Variants in CACNA1B observed in about 807,000 individuals in gnomAD.
CACNA1B encodes the protein voltage-dependent N-type calcium channel subunit alpha-1B.
A neutral mutation model predicts 247.2 loss-of-function variants in CACNA1B; 70 were observed. The ratio of observed to expected loss-of-function variants is 0.28; its 90% CI spans 0.23 to 0.35. The LOEUF is 0.35. CACNA1B is among the 10% of genes least tolerant of loss of function. The pLI, the probability that CACNA1B is intolerant of heterozygous loss-of-function variation, is 1.00. For missense variants in CACNA1B, 2,367 were observed against 3,197.4 expected, an observed-to-expected ratio of 0.74 and a Z score of 6.26; for synonymous variants, 1,231 against 1,294.4, an observed-to-expected ratio of 0.95 and a Z score of 1.05.
At position 138,012,729 on chromosome 9, in the gene CACNA1B, C is replaced by A. The variant is rs866987433; in HGVS notation, c.2161-400C>A. 2.0e-4 allele frequency among the ~76,000 whole-genome samples: 30 copies of A among 148,868 alleles called. No homozygotes were observed. The highest frequency in any genetic ancestry group is 6.9e-3 in the Middle Eastern group (2 of 288). The stretch of plus-strand genomic sequence containing the variant: ...ACCCTGTCTCTAAAAAAAAAAAAAA[C>A]AAATAACAAAAAACAAAACAAACAA... On this transcript the variant is annotated intron_variant, in intron 17 of 46. Transcript: ENST00000371372. This position sits in a 1 kb window ranked among gnomAD's most constrained non-coding sequence, Gnocchi z 4.2.
At position 137,955,853 on chromosome 9, in the gene CACNA1B, CTG is replaced by C. The variant is rs751334552; in HGVS notation, c.1186+42_1186+43del. 6.3e-5 allele frequency: 84 copies of C among 1,327,198 alleles called. No individual in the cohort carries two copies. Among genetic ancestry groups the C allele is most frequent in the Non-Finnish European group, 8.7e-5 (82 of 938,708 alleles). 82.2% of individuals were successfully genotyped at this position (1,327,198 alleles called of 1,614,324 possible). On this transcript the variant is annotated intron_variant, in intron 8 of 46. Transcript: ENST00000371372. The surrounding 1 kb of genome is among the most constrained non-coding windows in gnomAD (Gnocchi z 6.9). The stretch of plus-strand genomic sequence containing the variant: ...GAGCCACTGCACTCCTGGCCGGCCA[CTG>C]TTAGTTCTCTGTCCCCAATTCTGCT...
Position 137,913,034 on chromosome 9 carries a change from G to A in CACNA1B, c.531-146G>A. On this transcript the variant is annotated intron_variant, in intron 3 of 46. Coordinates refer to ENST00000371372, the MANE Select transcript of CACNA1B (RefSeq NM_000718.4). The surrounding 1 kb of genome is among the most constrained non-coding windows in gnomAD (Gnocchi z 5.2). ...GGTTGGACAGTGGGGGGACACAGGT[G>A]CTGGCCCTGTGGTTGGACAGTGGGG... 1.5e-6 allele frequency: 1 copy of A among 659,660 alleles called. No individual in the cohort carries two copies. The highest frequency in any genetic ancestry group is 2.7e-6 in the Non-Finnish European group (1 of 371,020). 40.9% of individuals were successfully genotyped at this position (659,660 alleles called of 1,614,324 possible).
chr9:138,115,810 G>C, intron 42 of CACNA1B, 131 bp downstream of exon 42: 2 of 903,288 alleles, frequency 2.2e-6, no homozygotes, highest in Non-Finnish European at 3.3e-6. Context: ...CCAGCTTGGA[G>C]GCACCTGAGG....
At chr9:138,047,328 C>G in intron 22 of CACNA1B, 71 bp from the exon 23 acceptor site, 1 of 1,186,312 alleles carries the variant, frequency 8.4e-7, no homozygotes, top group South Asian at 1.3e-5. Flanking sequence ...AGGAAAAACT[C>G]GGAGCCACCG....
chr9:137,903,440 A>C (rs1017564080), intron 3 of CACNA1B, among the ~76,000 whole-genome samples: 16 of 152,226 alleles, frequency 1.1e-4, no homozygotes, highest in African/African-American at 3.9e-4. Context: ...GCTTCGACTC[A>C]TACGCATCAG....
Position 138,105,644 on chromosome 9 carries a change from G to A in CACNA1B, c.5320-55G>A, listed in dbSNP as rs543457372. 6.3e-6 allele frequency: 6 copies of A among 951,876 alleles called. No homozygotes were observed. In the South Asian group the frequency reaches 6.9e-5, roughly 11 times the overall value. The allele number at this position is 951,876 out of a possible 1,614,324, so 59.0% of individuals were successfully genotyped here. A position where few individuals can be genotyped will look rare whatever the true frequency, so the allele number is the denominator to read the frequency against. The stretch of plus-strand genomic sequence containing the variant: ...AGGGACCCCATCATTGCGTAGTCTT[G>A]GGGTGGGGGGTGACCCCAGCAGGCC... On this transcript the variant is annotated intron_variant, in intron 38 of 46. Coordinates refer to ENST00000371372, the MANE Select transcript of CACNA1B (RefSeq NM_000718.4).
chr9:137,898,567 A>G (rs1194382508), intron 3 of CACNA1B, among the ~76,000 whole-genome samples: 1 of 152,040 alleles, frequency 6.6e-6, no homozygotes, highest in Non-Finnish European at 1.5e-5. Context: ...GTGCAGTAGC[A>G]TGATCATGGC....
intron 26 of CACNA1B, among the ~76,000 whole-genome samples, chr9:138,055,539 T>C (rs928333986): frequency 9.2e-5 from 14 of 152,320 alleles, no homozygotes; most frequent in African/African-American, 3.4e-4. Context: ...TGTTTTCTTG[T>C]GTTTTCTTCT....
intron 20 of CACNA1B, among the ~76,000 whole-genome samples, chr9:138,030,419 T>C (rs1467599653): frequency 1.3e-5 from 2 of 152,212 alleles, no homozygotes; most frequent in Admixed American, 6.5e-5. Flanking sequence ...TAAACTGGCC[T>C]TTATCATTAT....
In CACNA1B at chr9:138,020,510, C is replaced by T. The variant is rs1444045669; in HGVS notation, c.2268-2501C>T. 6.6e-6 allele frequency among the ~76,000 whole-genome samples: 1 copy of T among 152,102 alleles called. No homozygotes were observed. Among genetic ancestry groups the T allele is most frequent in the East Asian group, 1.9e-4 (1 of 5,196 alleles). ...GACTTAAGACACCATGCAGAGAGGC[C>T]CGGCACGCAGATTCAGAGACCTAGG... is the stretch of plus-strand genomic sequence containing the variant. On this transcript the variant is annotated intron_variant, in intron 18 of 46. Coordinates refer to ENST00000371372, the MANE Select transcript of CACNA1B (RefSeq NM_000718.4). This position sits in a 1 kb window ranked among gnomAD's most constrained non-coding sequence, Gnocchi z 4.1.
intron 6 of CACNA1B, among the ~76,000 whole-genome samples, chr9:137,944,522 A>G (rs1391645622): frequency 1.3e-5 from 2 of 152,204 alleles, no homozygotes; most frequent in East Asian, 3.8e-4. Context: ...TTTCAAGGAA[A>G]TAAGTCATCT....
Position 138,080,270 on chromosome 9 carries a change from G to T in CACNA1B, c.5094+2012G>T, listed in dbSNP as rs116546417. Among the ~76,000 whole-genome samples, 441 of 152,296 alleles carry T rather than the reference G, an allele frequency of 2.9e-3. 3 individuals carry two copies. Among genetic ancestry groups the T allele is most frequent in the African/African-American group, 0.01 (425 of 41,576 alleles). On this transcript the variant is annotated intron_variant, in intron 36 of 46. Transcript: ENST00000371372. ...GGGATCAAAGCTGGGGACAGAGGAG[G>T]GTGAGGGGCAATGCCACTGGATTGG...
intron 3 of CACNA1B, among the ~76,000 whole-genome samples, chr9:137,907,726 G>T (rs182410641): frequency 6.6e-6 from 1 of 151,784 alleles, no homozygotes; most frequent in Non-Finnish European, 1.5e-5. Flanking sequence ...TTATTTTATC[G>T]TAGTCACATT....
chr9:137,956,316 T>C (rs1013825060), intron 8 of CACNA1B, among the ~76,000 whole-genome samples: 4 of 152,154 alleles, frequency 2.6e-5, no homozygotes, highest in African/African-American at 9.7e-5. Flanking sequence ...TGTCTGTCCC[T>C]GTAGAAAAAG....
chr9:138,055,626 A>G (rs1037912416), intron 26 of CACNA1B, among the ~76,000 whole-genome samples: 2 of 152,206 alleles, frequency 1.3e-5, no homozygotes, highest in African/African-American at 2.4e-5. Context: ...TACATAAGGT[A>G]TGGGTTAAGA....
intron 3 of CACNA1B, among the ~76,000 whole-genome samples, chr9:137,911,125 T>C (rs914541915): frequency 6.6e-6 from 1 of 152,236 alleles, no homozygotes; most frequent in African/African-American, 2.4e-5. Flanking sequence ...CTTTCTCCAC[T>C]TAATGGTCTT....
chr9:138,037,954 T>G (rs555404457), intron 20 of CACNA1B, among the ~76,000 whole-genome samples: 11 of 152,354 alleles, frequency 7.2e-5, no homozygotes, highest in Middle Eastern at 3.4e-3. Flanking sequence ...TTTCTGTGTT[T>G]GTTATTTTGA....
At chr9:137,944,081 C>T (rs1957765868) in intron 6 of CACNA1B, among the ~76,000 whole-genome samples, 1 of 152,162 alleles carries the variant, frequency 6.6e-6, no homozygotes. Flanking sequence ...CCTTTGCGTG[C>T]TCTTTGGGCA....
At chr9:137,897,506 G>A (rs2133253442) in intron 3 of CACNA1B, among the ~76,000 whole-genome samples, 1 of 152,192 alleles carries the variant, frequency 6.6e-6, no homozygotes, top group East Asian at 1.9e-4. Context: ...CTTGAACCCG[G>A]AAGGTAGAGG....
Sources: gnomAD v4.1 joint callset for allele counts (sites outside exome capture counted in the v4.1 genomes callset) on GRCh38, gnomAD v4.1.1 for gene constraint, Gnocchi (gnomAD v3.1) non-coding constraint, MANE v1.5 for transcripts, NCBI Gene and HGNC (gene_info 2026-07-23, HGNC 2026-07-21) for gene names.